The following DNAH6 variants were observed in gnomAD, a reference collection of about 807,000 sequenced individuals.
DNAH6 encodes the protein axonemal beta dynein heavy chain 6.
In DNAH6, 340 loss-of-function variants were observed where a neutral mutation model predicts 491.4. The ratio of observed to expected loss-of-function variants is 0.69; its 90% confidence interval spans 0.63 to 0.76. The LOEUF (loss-of-function observed/expected upper bound fraction) is 0.76. Among genes scored for constraint, DNAH6 ranks in the 30% least tolerant of loss-of-function variants. The pLI, the probability that DNAH6 is intolerant of heterozygous loss-of-function variation, is 0.00. For missense variants in DNAH6, 4,443 were observed against 4,972.2 expected (o/e 0.89, Z 3.20); for synonymous variants, 1,603 against 1,686.1 (o/e 0.95, Z 1.21).
intron 62 of DNAH6, among the ~76,000 whole-genome samples, chr2:84,742,635 A>T (rs1007619727): frequency 7.2e-6 from 1 of 139,448 alleles, no homozygotes; most frequent in Non-Finnish European, 1.5e-5. Context: ...TATTTTGGGC[A>T]TATTTTTCTG....
At chr2:84,755,487 C>A (rs991961862) in intron 63 of DNAH6, among the ~76,000 whole-genome samples, 1 of 152,164 alleles carries the variant, frequency 6.6e-6, no homozygotes, top group African/African-American at 2.4e-5. Flanking sequence ...TATAGAAATA[C>A]AGTTGATTTT....
At chr2:84,773,158 T>C (rs1028229210) in intron 64 of DNAH6, among the ~76,000 whole-genome samples, 1 of 152,100 alleles carries the variant, frequency 6.6e-6, no homozygotes, top group African/African-American at 2.4e-5. Flanking sequence ...TGGATACAAA[T>C]GATCCTATCA....
intron 47 of DNAH6, among the ~76,000 whole-genome samples, chr2:84,698,382 C>A (rs940932264): frequency 6.6e-6 from 1 of 152,188 alleles, no homozygotes; most frequent in African/African-American, 2.4e-5. Context: ...TAAAGGGACA[C>A]AGAATCATTG....
In DNAH6 at chr2:84,552,994, T is replaced by C. The variant is rs758430059; in HGVS notation, c.1562T>C (p.Val521Ala). The stretch of plus-strand genomic sequence containing the variant: ...TTTCTCACAGAACTAATGTTGACAG[T>C]CCAGTCACTGCTCTTTGAGCCTTCT... Reference protein sequence around the residue: ...PMFLTELMLTVQSLLFEPSLE... With the variant: ...PMFLTELMLTAQSLLFEPSLE... The change falls in exon 10 of 77, where the codon GTC becomes GCC. Residue 521 changes from valine (V) to alanine (A), a missense_variant. By Grantham distance (64) the Val-to-Ala change is moderately conservative. Transcript: ENST00000389394. 1.2e-6 allele frequency: 2 copies of C among 1,610,864 alleles called. No homozygotes were observed. The highest frequency in any genetic ancestry group is 3.4e-5 in the Admixed American group (2 of 59,492).
intron 64 of DNAH6, among the ~76,000 whole-genome samples, chr2:84,779,770 A>G (rs1676499572): frequency 6.6e-6 from 1 of 152,116 alleles, no homozygotes; most frequent in Non-Finnish European, 1.5e-5. Flanking sequence ...GGTAGCAGGT[A>G]TCACTCCTTC....
intron 2 of DNAH6, among the ~76,000 whole-genome samples, chr2:84,520,810 C>A (rs1043054592): frequency 6.6e-6 from 1 of 151,946 alleles, no homozygotes; most frequent in African/African-American, 2.4e-5. Flanking sequence ...TCCAGTCTAC[C>A]AATAATGGGC....
At chr2:84,566,749 A>C (rs1382915551) in intron 11 of DNAH6, among the ~76,000 whole-genome samples, 1 of 152,102 alleles carries the variant, frequency 6.6e-6, no homozygotes, top group Non-Finnish European at 1.5e-5. Context: ...CCAAATATTT[A>C]ATGTAAACAC....
At chr2:84,598,073 G>A (rs1469596690) in intron 18 of DNAH6, among the ~76,000 whole-genome samples, 1 of 151,940 alleles carries the variant, frequency 6.6e-6, no homozygotes, top group Non-Finnish European at 1.5e-5. Flanking sequence ...GAAATCTATA[G>A]TGAGAAAGTG....
chr2:84,540,587 C>T, intron 4 of DNAH6, among the ~76,000 whole-genome samples: 1 of 152,096 alleles, frequency 6.6e-6, no homozygotes, highest in African/African-American at 2.4e-5. Flanking sequence ...GGGTTCTAAG[C>T]CCCAAAGTAG....
chr2:84,664,452 A>G (rs566445544), intron 37 of DNAH6, among the ~76,000 whole-genome samples: 1 of 152,216 alleles, frequency 6.6e-6, no homozygotes, highest in Admixed American at 6.5e-5. Context: ...TTGCAATCTT[A>G]GTCTCTGATA....
At chr2:84,718,903 C>A (rs1175676788) in intron 59 of DNAH6, among the ~76,000 whole-genome samples, 1 of 152,220 alleles carries the variant, frequency 6.6e-6, no homozygotes, top group East Asian at 1.9e-4. Flanking sequence ...AAGGATTACA[C>A]ATGGTGGTTG....
At chr2:84,720,797 T>C (rs915639230) in intron 59 of DNAH6, among the ~76,000 whole-genome samples, 1 of 152,232 alleles carries the variant, frequency 6.6e-6, no homozygotes, top group Non-Finnish European at 1.5e-5. Flanking sequence ...TTTAAGCCTT[T>C]TCCTACAATT....
chr2:84,483,937 A>C, the DNAH6 span, among the ~76,000 whole-genome samples: 1 of 152,150 alleles, frequency 6.6e-6, no homozygotes, highest in Admixed American at 6.5e-5. Context: ...TCACCCTACT[A>C]TCCTGGTTTC....
intron 22 of DNAH6, among the ~76,000 whole-genome samples, chr2:84,614,167 C>CT (rs1472275065): frequency 6.6e-6 from 1 of 151,954 alleles, no homozygotes; most frequent in African/African-American, 2.4e-5. Context: ...AGTCTTTTAT[C>CT]TTTTTATCCC....
intron 54 of DNAH6, among the ~76,000 whole-genome samples, chr2:84,707,929 C>T (rs1049106283): frequency 6.6e-6 from 1 of 152,176 alleles, no homozygotes; most frequent in East Asian, 1.9e-4. Context: ...TTTCCTTCTC[C>T]TGTCTTAGAA....
intron 65 of DNAH6, among the ~76,000 whole-genome samples, chr2:84,783,879 T>A (rs565953364): frequency 6.6e-6 from 1 of 152,154 alleles, no homozygotes; most frequent in East Asian, 1.9e-4. Flanking sequence ...TGAGATGGGA[T>A]GTGAGTAGGG....
At chr2:84,602,998 C>A (rs922670773) in intron 18 of DNAH6, among the ~76,000 whole-genome samples, 2 of 151,840 alleles carry the variant, frequency 1.3e-5, no homozygotes, top group East Asian at 3.9e-4. Context: ...TGACATTTCC[C>A]AACTGATTTT....
rs1183000893 is a variant in DNAH6 at position 84,705,736 on chromosome 2, C to T, written c.8716C>T (p.Arg2906Cys). 20 of 1,546,094 alleles carry T rather than the reference C, an allele frequency of 1.3e-5. No homozygotes were observed. The highest frequency in any genetic ancestry group is 1.7e-4 in the Middle Eastern group (1 of 5,938). ...KVVEPKRQKL[R>C]AAQAELDITM... Reference sequence around the variant, plus strand: ...CGTCGAACCAAAAAGACAAAAGCTCCGCGCCGCACAGGTACATTTTCTGTA... The same window carrying T: ...CGTCGAACCAAAAAGACAAAAGCTCTGCGCCGCACAGGTACATTTTCTGTA... Residue 2906 changes from arginine to cysteine, a missense_variant, in exon 52 of 77, where the codon CGC becomes TGC. By Grantham distance (180) the Arg-to-Cys change is radical. Around this residue, in one of 3 missense-constraint regions of DNAH6, gnomAD observed 1,463 missense variants for 1,656.6 expected, o/e 0.88. Coordinates refer to ENST00000389394, the MANE Select transcript of DNAH6 (RefSeq NM_001370.2).
At chr2:84,692,502 G>A (rs1423973277) in intron 45 of DNAH6, among the ~76,000 whole-genome samples, 1 of 152,044 alleles carries the variant, frequency 6.6e-6, no homozygotes, top group Admixed American at 6.5e-5. Flanking sequence ...AGAGAAGGAA[G>A]GGGAGGAAGA....
Sources: allele counts gnomAD v4.1 joint callset (sites outside exome capture counted in the v4.1 genomes callset), GRCh38; gene constraint gnomAD v4.1.1; regional missense constraint gnomAD v4.1.1; transcripts MANE v1.5; gene names NCBI Gene and HGNC (gene_info 2026-07-23, HGNC 2026-07-21).